Variants in MARCHF8 observed in about 807,000 individuals in gnomAD.
MARCHF8 encodes the protein membrane associated ring-CH-type finger 8.
A neutral mutation model predicts 51.6 loss-of-function variants in MARCHF8; 40 were observed. The ratio of observed to expected loss-of-function variants is 0.77; its 90% CI spans 0.60 to 1.01. The LOEUF (loss-of-function observed/expected upper bound fraction) is 1.01. Ranked by LOEUF, MARCHF8 falls within the 50% of genes least tolerant of loss-of-function variation. The pLI is 0.00. For missense variants in MARCHF8, 685 were observed against 708.6 expected, an observed-to-expected ratio of 0.97 and a Z score of 0.38; for synonymous variants, 263 against 280.3, an observed-to-expected ratio of 0.94 and a Z score of 0.62.
chr10:45,536,857 A>G (rs2043978099), upstream of MARCHF8, among the ~76,000 whole-genome samples: 1 of 147,026 alleles, frequency 6.8e-6, no homozygotes, highest in South Asian at 2.1e-4. Flanking sequence ...TAATAATAAT[A>G]ATAATAATAA....
intron 3 of MARCHF8, among the ~76,000 whole-genome samples, chr10:45,466,161 A>G (rs1842962519): frequency 1.3e-5 from 2 of 152,218 alleles, no homozygotes; most frequent in African/African-American, 4.8e-5. Context: ...GCCTTTTAGT[A>G]CAATGGGCTT....
In MARCHF8 at chr10:45,463,208, G is replaced by C; in HGVS notation, c.1031C>G (p.Pro344Arg). 5 of 1,550,710 alleles carry C rather than the reference G, an allele frequency of 3.2e-6. No homozygotes were observed. In the South Asian group the frequency reaches 5.9e-5, roughly 18 times the overall value. ...TATGGGGGGTAATTTTTCAGAGAAG[G>C]GAGAAGGACAATCCAGGTCGCTGTC... ...EKDSDLDCPSPFSEKLPPISP... is the reference protein window; with the variant it reads ...EKDSDLDCPSRFSEKLPPISP... The change falls in exon 5 of 8, where the codon CCC becomes CGC. Residue 344 changes from proline to arginine, a missense_variant. Physicochemically the swap from Pro to Arg is moderately radical, Grantham distance 103. Coordinates refer to ENST00000453424, the MANE Select transcript of MARCHF8 (RefSeq NM_001282866.2).
intron 1 of MARCHF8, among the ~76,000 whole-genome samples, chr10:45,580,582 G>A (rs2044543872): frequency 6.6e-6 from 1 of 152,142 alleles, no homozygotes; most frequent in Admixed American, 6.5e-5. Context: ...TTTCATATAT[G>A]TAAAAAATGT....
intron 3 of MARCHF8, among the ~76,000 whole-genome samples, chr10:45,480,636 G>A (rs2042868913): frequency 2.0e-5 from 3 of 152,218 alleles, no homozygotes; most frequent in Admixed American, 2.0e-4. Flanking sequence ...CCAAGCCTTG[G>A]CAGCTTCCAT....
chr10:45,517,558 C>T (rs1173896418), intron 2 of MARCHF8, among the ~76,000 whole-genome samples: 2 of 152,200 alleles, frequency 1.3e-5, no homozygotes, highest in East Asian at 3.8e-4. Flanking sequence ...ACAACACTCT[C>T]CCTCTGCCTT....
chr10:45,463,724 A>G lies in MARCHF8; in HGVS notation c.515T>C (p.Phe172Ser), dbSNP rs1487227238. ...AGAACAAGTTCTTTCCACATAGGCA[A>G]AACTTTCTGAAGTATCCTGCGCCTT... ...GEKAQDTSES[F>S]AYVERTCSEG... is the part of the protein sequence containing the mutation. Residue 172 changes from phenylalanine to serine, a missense_variant, in exon 5 of 8, where the codon TTT becomes TCT. Transcript: ENST00000453424. 1 of 1,551,186 alleles carries G rather than the reference A, an allele frequency of 6.4e-7. No individual in the cohort carries two copies. The highest frequency in any genetic ancestry group is 1.2e-5 in the South Asian group (1 of 84,068).
At position 45,548,717 on chromosome 10, in the gene MARCHF8, G is replaced by A. The variant is rs149006973; in HGVS notation, c.-78-15428C>T. Among the ~76,000 whole-genome samples, 70 of 152,242 alleles carry A rather than the reference G, an allele frequency of 4.6e-4. 1 individual carries two copies. The highest frequency in any genetic ancestry group is 2.2e-3 in the Admixed American group (33 of 15,290). On this transcript the variant is annotated intron_variant, in intron 1 of 6. Transcript: ENST00000319836. ...TCCATCAAGCACAGAAATAGTCTGCGTTTGGCCAGGCACGGTGGCTCATGC... is the reference window on the plus strand; with the variant it reads ...TCCATCAAGCACAGAAATAGTCTGCATTTGGCCAGGCACGGTGGCTCATGC...
Position 45,533,261 on chromosome 10 carries a change from T to A in MARCHF8, c.-50A>T, listed in dbSNP as rs752143757. 1 of 1,551,640 alleles carries A rather than the reference T, an allele frequency of 6.4e-7. No individual in the cohort carries two copies. The highest frequency in any genetic ancestry group is 8.7e-7 in the Non-Finnish European group (1 of 1,153,906). On this transcript the variant is annotated 5_prime_UTR_variant, in exon 2 of 8. Transcript: ENST00000453424. ...CTTCACAGAAGAGAGTCTCCACTGG[T>A]AGAGTCATTTTGGGCCATGGATTTC...
At chr10:45,490,596 G>T (rs1057146425) in intron 2 of MARCHF8, among the ~76,000 whole-genome samples, 1 of 151,764 alleles carries the variant, frequency 6.6e-6, no homozygotes, top group Non-Finnish European at 1.5e-5. Context: ...AAACAACTAC[G>T]ATCATCTTCC....
chr10:45,501,590 A>T (rs752953075), intron 2 of MARCHF8, among the ~76,000 whole-genome samples: 1 of 152,158 alleles, frequency 6.6e-6, no homozygotes, highest in Non-Finnish European at 1.5e-5. Context: ...TTGGGCAAAG[A>T]GTTCCTATAC....
At chr10:45,552,751 C>T (rs181418584) in intron 1 of MARCHF8, among the ~76,000 whole-genome samples, 51 of 152,292 alleles carry the variant, frequency 3.3e-4, no homozygotes, top group African/African-American at 1.2e-3. Flanking sequence ...ATAAAGAATG[C>T]TCACATTTAA....
intron 2 of MARCHF8, among the ~76,000 whole-genome samples, chr10:45,522,776 A>G (rs1377729771): frequency 6.6e-6 from 1 of 152,208 alleles, no homozygotes; most frequent in Non-Finnish European, 1.5e-5. Context: ...AAACATGAAA[A>G]ACACACAAAT....
intron 1 of MARCHF8, among the ~76,000 whole-genome samples, chr10:45,583,638 T>C (rs1477664971): frequency 6.6e-6 from 1 of 152,196 alleles, no homozygotes; most frequent in Non-Finnish European, 1.5e-5. Flanking sequence ...TCTGTATGTA[T>C]TGATCTAGGT....
intron 1 of MARCHF8, among the ~76,000 whole-genome samples, chr10:45,582,433 T>C (rs949852550): frequency 1.3e-5 from 2 of 152,142 alleles, no homozygotes; most frequent in African/African-American, 4.8e-5. Flanking sequence ...AGTTGTAAAA[T>C]GCACTCCCCC....
rs1320470358 is a variant in MARCHF8, at chr10:45,455,189, CAT to C, written c.*3048_*3049del. On this transcript the variant is annotated 3_prime_UTR_variant, in exon 8 of 8. Coordinates refer to ENST00000453424, the MANE Select transcript of MARCHF8 (RefSeq NM_001282866.2). The stretch of plus-strand genomic sequence containing the variant: ...TGCATGCCTGTGGCCAGGTAGGACA[CAT>C]GTGCAGGTTTGAAAACTAGGCCTAC... 1 of 152,378 alleles carries C rather than the reference CAT, an allele frequency of 6.6e-6. No individual in the cohort carries two copies. Among genetic ancestry groups the C allele is most frequent in the Admixed American group, 6.5e-5 (1 of 15,308 alleles). 9.4% of individuals were successfully genotyped at this position (152,378 alleles called of 1,614,324 possible).
At chr10:45,587,321 A>C (rs1383423835) in intron 1 of MARCHF8, among the ~76,000 whole-genome samples, 2 of 152,186 alleles carry the variant, frequency 1.3e-5, no homozygotes, top group African/African-American at 4.8e-5. Flanking sequence ...TGATTTTTTA[A>C]TCCTATTTAC....
upstream of MARCHF8, among the ~76,000 whole-genome samples, chr10:45,539,689 C>T (rs967311202): frequency 6.6e-6 from 1 of 152,186 alleles, no homozygotes; most frequent in Non-Finnish European, 1.5e-5. Context: ...ATACTATAAA[C>T]ACCTCTATGC....
chr10:45,471,241 C>T (rs1034514872), intron 3 of MARCHF8, among the ~76,000 whole-genome samples: 1 of 152,190 alleles, frequency 6.6e-6, no homozygotes, highest in Non-Finnish European at 1.5e-5. Context: ...GTCGGAATTA[C>T]TTGAGTAGCA....
chr10:45,572,105 C>A (rs1161412225), intron 1 of MARCHF8, among the ~76,000 whole-genome samples: 1 of 147,694 alleles, frequency 6.8e-6, no homozygotes, highest in African/African-American at 2.5e-5. Flanking sequence ...GGCAAGCACC[C>A]CTTACCCCTT....
Sources: gnomAD v4.1 joint callset for allele counts (sites outside exome capture counted in the v4.1 genomes callset) on GRCh38, gnomAD v4.1.1 for gene constraint, MANE v1.5 for transcripts, NCBI Gene and HGNC (gene_info 2026-07-23, HGNC 2026-07-21) for gene names.